Variants in DCUN1D3 observed in about 807,000 individuals in gnomAD.
The protein encoded by DCUN1D3 is defective in cullin neddylation 1 domain containing 3, also known as DCN1-like protein 3.
Under a neutral mutation model 24.8 loss-of-function variants are expected in DCUN1D3, and 6 were observed. The ratio of observed to expected loss-of-function variants is 0.24; its 90% confidence interval spans 0.13 to 0.48. The LOEUF is 0.48. Among genes scored for constraint, DCUN1D3 ranks in the 20% least tolerant of loss-of-function variants. DCUN1D3 has a pLI of 0.99. For synonymous variants in DCUN1D3, 120 were observed against 144.9 expected, an observed-to-expected ratio of 0.83 and a Z score of 1.24; for missense variants, 258 against 379.4, an observed-to-expected ratio of 0.68 and a Z score of 2.66.
At chr16:20,864,340 A>T (rs898022768) in intron 1 of DCUN1D3, among the ~76,000 whole-genome samples, 1 of 152,218 alleles carries the variant, frequency 6.6e-6, no homozygotes, top group African/African-American at 2.4e-5. Context: ...ACATGAATAG[A>T]CACTTCTCAA....
intron 1 of DCUN1D3, among the ~76,000 whole-genome samples, chr16:20,877,216 ATTATT>A (rs949895761): frequency 8.5e-5 from 13 of 152,290 alleles, no homozygotes; most frequent in African/African-American, 3.1e-4. Context: ...AACTACATAT[ATTATT>A]TATCAATTAA....
intron 1 of DCUN1D3, among the ~76,000 whole-genome samples, chr16:20,890,507 T>C (rs1457303398): frequency 1.3e-5 from 2 of 152,106 alleles, no homozygotes; most frequent in African/African-American, 2.4e-5. Flanking sequence ...TGTGTGCCTC[T>C]GGTCCTAGCT....
rs143835944 is a variant in DCUN1D3 at position 20,860,307 on chromosome 16, C to A, written c.494G>T (p.Arg165Leu). 6.2e-7 allele frequency: 1 copy of A among 1,614,128 alleles called. No homozygotes were observed. The highest frequency in any genetic ancestry group is 2.2e-5 in the East Asian group (1 of 44,888). The change falls in exon 3 of 3, where the codon CGG becomes CTG. Residue 165 changes from arginine (R) to leucine (L), a missense_variant. Physicochemically the swap from Arg to Leu is moderately radical, Grantham distance 102. Transcript: ENST00000324344. This position sits in a 1 kb window ranked among gnomAD's most constrained non-coding sequence, Gnocchi z 4.3. Reference protein sequence around the residue: ...SADSIDGICARFPSLLTEAKQ... With the variant: ...SADSIDGICALFPSLLTEAKQ... ...GGCTTCTGTTAAGAGGCTAGGGAAC[C>A]GTGCACAGATTCCGTCAATGCTGTC... is the stretch of plus-strand genomic sequence containing the variant.
At chr16:20,882,837 A>G (rs781606096) in intron 1 of DCUN1D3, among the ~76,000 whole-genome samples, 1 of 152,234 alleles carries the variant, frequency 6.6e-6, no homozygotes, top group Non-Finnish European at 1.5e-5. Context: ...AACATTTTTT[A>G]GCTTACAAAA....
chr16:20,876,168 T>C (rs1402420511), intron 1 of DCUN1D3, among the ~76,000 whole-genome samples: 3 of 152,080 alleles, frequency 2.0e-5, no homozygotes, highest in Non-Finnish European at 4.4e-5. Context: ...TGTTTCACCA[T>C]GTTGGCCAGG....
Position 20,860,113 on chromosome 16 carries a change from C to G in DCUN1D3, c.688G>C (p.Glu230Gln), listed in dbSNP as rs2152515768. ...VLDQWLNFLTENPSGIKGISR... is the reference protein window; with the variant it reads ...VLDQWLNFLTQNPSGIKGISR... ...ATGCCCTTGATCCCCGAGGGGTTCT[C>G]TGTTAGGAAGTTTAGCCATTGGTCC... The change falls in exon 3 of 3, where the codon GAG (glutamate) becomes CAG (glutamine). Residue 230 changes from glutamate (E) to glutamine (Q), a missense_variant. By Grantham distance (29) the Glu-to-Gln change is conservative. Coordinates refer to ENST00000324344, the MANE Select transcript of DCUN1D3 (RefSeq NM_173475.4). This position sits in a 1 kb window ranked among gnomAD's most constrained non-coding sequence, Gnocchi z 4.3. 1 of 1,614,236 alleles carries G rather than the reference C, an allele frequency of 6.2e-7. No homozygotes were observed. The highest frequency in any genetic ancestry group is 2.2e-5 in the East Asian group (1 of 44,886).
At chr16:20,887,059 A>AT (rs1469475684) in intron 1 of DCUN1D3, among the ~76,000 whole-genome samples, 16 of 152,346 alleles carry the variant, frequency 1.1e-4, no homozygotes, top group African/African-American at 3.8e-4. Flanking sequence ...CACACCTGTA[A>AT]TCCCAGCACT....
At chr16:20,894,442 A>G (rs566881259) in intron 1 of DCUN1D3, among the ~76,000 whole-genome samples, 11 of 152,326 alleles carry the variant, frequency 7.2e-5, no homozygotes, top group African/African-American at 2.4e-4. Context: ...TTAGTCAGTC[A>G]TCAGACCTGG....
At position 20,862,345 on chromosome 16, in the gene DCUN1D3, G is replaced by T. The variant is rs1224566273; in HGVS notation, c.194C>A (p.Ala65Asp). 6.2e-7 allele frequency: 1 copy of T among 1,614,228 alleles called. No individual in the cohort carries two copies. The highest frequency in any genetic ancestry group is 1.7e-5 in the Admixed American group (1 of 60,028). The change falls in exon 2 of 3, where the codon GCC becomes GAC. Residue 65 changes from alanine (A) to aspartate (D), a missense_variant. Transcript: ENST00000324344. ...TCCCGAGGACGTTGGCAGCTGGCAG[G>T]CCTCAGTGGCAGCCTCGGCCTTCTT... ...GTKKAEAATE[A>D]CQLPTSSGDA...
chr16:20,856,437 C>A lies in DCUN1D3; in HGVS notation c.*3449G>T, dbSNP rs1777633286. ...AAAGACTAATACTGTGTGGCTTAAT[C>A]CTTTCTCCCTTTCCAAAAAGACTAG... On this transcript the variant is annotated 3_prime_UTR_variant, in exon 3 of 3. Transcript: ENST00000324344. 6.6e-6 allele frequency: 1 copy of A among 152,200 alleles called. No homozygotes were observed. Among genetic ancestry groups the A allele is most frequent in the Admixed American group, 6.5e-5 (1 of 15,276 alleles). The allele number at this position is 152,200 out of a possible 1,614,324, so 9.4% of individuals were successfully genotyped here. A position where few individuals can be genotyped will look rare whatever the true frequency, so the allele number is the denominator to read the frequency against.
At chr16:20,877,329 CAT>C (rs1459923380) in intron 1 of DCUN1D3, among the ~76,000 whole-genome samples, 1 of 152,124 alleles carries the variant, frequency 6.6e-6, no homozygotes, top group Non-Finnish European at 1.5e-5. Context: ...CACGTGCTGA[CAT>C]GTGTTCCATG....
intron 1 of DCUN1D3, among the ~76,000 whole-genome samples, chr16:20,867,897 T>C (rs1380694349): frequency 6.6e-6 from 1 of 152,226 alleles, no homozygotes; most frequent in Non-Finnish European, 1.5e-5. Flanking sequence ...TACCCAGTAA[T>C]GCTTGGAGGA....
intron 1 of DCUN1D3, among the ~76,000 whole-genome samples, chr16:20,892,966 A>G (rs527392546): frequency 7.2e-5 from 11 of 152,186 alleles, no homozygotes; most frequent in Non-Finnish European, 1.3e-4. Flanking sequence ...TTGAAAGATG[A>G]AGAGTTTGTG....
intron 2 of DCUN1D3, 59 bp downstream of exon 2, chr16:20,862,049 C>T: frequency 6.3e-7 from 1 of 1,578,766 alleles, no homozygotes; most frequent in Admixed American, 1.7e-5. Context: ...GCACCACTGC[C>T]CAATGCTGTT....
intron 1 of DCUN1D3, among the ~76,000 whole-genome samples, chr16:20,869,363 G>A (rs980802438): frequency 2.0e-5 from 3 of 152,232 alleles, no homozygotes; most frequent in South Asian, 2.1e-4. Context: ...GGAAAGAAAG[G>A]TAGGGAGGGA....
At chr16:20,868,300 T>G (rs145652614) in intron 1 of DCUN1D3, among the ~76,000 whole-genome samples, 3 of 152,188 alleles carry the variant, frequency 2.0e-5, no homozygotes, top group Non-Finnish European at 4.4e-5. Context: ...TATATATAAA[T>G]GTAGCTCTGT....
intron 2 of DCUN1D3, 97 bp downstream of exon 2, chr16:20,862,011 G>A: frequency 1.5e-6 from 2 of 1,362,126 alleles, no homozygotes; most frequent in Non-Finnish European, 2.0e-6. Context: ...AAAACCCTAT[G>A]AAGCCAACCC....
At chr16:20,898,316 G>A (rs1567432942) in intron 1 of DCUN1D3, among the ~76,000 whole-genome samples, 1 of 152,226 alleles carries the variant, frequency 6.6e-6, no homozygotes, top group South Asian at 2.1e-4. Context: ...TTTCTTCAGC[G>A]CTTGATCAAA....
At chr16:20,885,165 A>G (rs2081862838) in intron 1 of DCUN1D3, among the ~76,000 whole-genome samples, 1 of 151,914 alleles carries the variant, frequency 6.6e-6, no homozygotes, top group South Asian at 2.1e-4. Flanking sequence ...TAGTAGAGAC[A>G]TGGTTTCACC....
Sources: gnomAD v4.1 joint callset for allele counts (sites outside exome capture counted in the v4.1 genomes callset) on GRCh38, gnomAD v4.1.1 for gene constraint, Gnocchi (gnomAD v3.1) non-coding constraint, MANE v1.5 for transcripts, NCBI Gene and HGNC (gene_info 2026-07-23, HGNC 2026-07-21) for gene names.